The following CACNA1B variants were observed in gnomAD, a reference collection of about 807,000 sequenced individuals.
CACNA1B encodes the protein voltage-dependent N-type calcium channel subunit alpha-1B.
CACNA1B carries 70 observed loss-of-function variants against 247.2 expected under a neutral mutation model. The observed-to-expected ratio is 0.28, with a 90% CI of 0.23 to 0.35. CACNA1B has a LOEUF of 0.35. Ranked by LOEUF, CACNA1B falls within the 10% of genes least tolerant of loss-of-function variation. The pLI is 1.00. For missense variants in CACNA1B, 2,367 were observed against 3,197.4 expected (o/e 0.74, Z 6.26); for synonymous variants, 1,231 against 1,294.4 (o/e 0.95, Z 1.05).
At position 138,011,179 on chromosome 9, in the gene CACNA1B, C is replaced by T. The variant is rs1958719821; in HGVS notation, c.2160+1102C>T. Among the ~76,000 whole-genome samples, 1 of 152,170 alleles carries T rather than the reference C, an allele frequency of 6.6e-6. No individual in the cohort carries two copies. Among genetic ancestry groups the T allele is most frequent in the African/African-American group, 2.4e-5 (1 of 41,434 alleles). On this transcript the variant is annotated intron_variant, in intron 17 of 46. Coordinates refer to ENST00000371372, the MANE Select transcript of CACNA1B (RefSeq NM_000718.4). The surrounding 1 kb of genome is among the most constrained non-coding windows in gnomAD (Gnocchi z 4.2). ...GCTGGGCCGCTTGGGTTGGGGGAGC[C>T]CAAGCCCCCACAGAGCTCTCCTTGG...
rs749437414 is a variant in CACNA1B, at chr9:137,986,779, C to T, written c.1902-3C>T. ...ACTTCCCAAGCCTTCCTGTTTTCCTCAGGTTCAACTTCCAGGATGAGACTC... is the reference window on the plus strand; with the variant it reads ...ACTTCCCAAGCCTTCCTGTTTTCCTTAGGTTCAACTTCCAGGATGAGACTC... On this transcript the variant is annotated splice_polypyrimidine_tract_variant and splice_region_variant and intron_variant, in intron 14 of 46. Transcript: ENST00000371372. This position sits in a 1 kb window ranked among gnomAD's most constrained non-coding sequence, Gnocchi z 6.0. The T allele has an allele frequency of 3.1e-6, 5 of 1,612,466 alleles. No individual in the cohort carries two copies. The highest frequency in any genetic ancestry group is 2.7e-5 in the African/African-American group (2 of 74,888).
At chr9:138,006,650 G>A (rs1191597149) in intron 15 of CACNA1B, 117 bp from the exon 16 acceptor site, 12 of 666,808 alleles carry the variant, frequency 1.8e-5, no homozygotes, top group Non-Finnish European at 2.8e-5. Context: ...ATGTGCATGT[G>A]TGGACGTGGC....
At position 138,020,556 on chromosome 9, in the gene CACNA1B, T is replaced by C. The variant is rs2133433062; in HGVS notation, c.2268-2455T>C. On this transcript the variant is annotated intron_variant, in intron 18 of 46. Coordinates refer to ENST00000371372, the MANE Select transcript of CACNA1B (RefSeq NM_000718.4). The surrounding 1 kb of genome is among the most constrained non-coding windows in gnomAD (Gnocchi z 4.1). ...CTAGGGGATACCTCCAGAGAGGAACTTGGTGGTGCTGGCCGAGTGAGGGCA... is the reference window on the plus strand; with the variant it reads ...CTAGGGGATACCTCCAGAGAGGAACCTGGTGGTGCTGGCCGAGTGAGGGCA... Among the ~76,000 whole-genome samples the C allele has an allele frequency of 6.6e-6, 1 of 152,208 alleles. No homozygotes were observed. The highest frequency in any genetic ancestry group is 2.1e-4 in the South Asian group (1 of 4,816).
rs1323635327 is a variant in CACNA1B, at chr9:138,058,517, G to A, written c.4309-52G>A. On this transcript the variant is annotated intron_variant, in intron 28 of 46. Coordinates refer to ENST00000371372, the MANE Select transcript of CACNA1B (RefSeq NM_000718.4). This position sits in a 1 kb window ranked among gnomAD's most constrained non-coding sequence, Gnocchi z 4.7. ...GACAGGGCTGGGTGCAGTAGATGCC[G>A]TCGGGTAGGTTTTCTGCTTCTGAGT... 14 of 1,530,008 alleles carry A rather than the reference G, an allele frequency of 9.2e-6. 1 individual carries two copies. Among genetic ancestry groups the A allele is most frequent in the Middle Eastern group, 1.7e-4 (1 of 5,826 alleles). The allele number at this position is 1,530,008 out of a possible 1,614,324, so 94.8% of individuals were successfully genotyped here.
rs1957422024 is a variant in CACNA1B, at chr9:137,917,174, A to G, written c.776-67A>G. On this transcript the variant is annotated intron_variant, in intron 5 of 46. Transcript: ENST00000371372. This position sits in a 1 kb window ranked among gnomAD's most constrained non-coding sequence, Gnocchi z 5.5. ...GCTGTGAGCTCTCCAGAGCCCAGGA[A>G]TCCTGGTGGGGATTGGAGAGCTTGG... is the stretch of plus-strand genomic sequence containing the variant. 6.8e-7 allele frequency: 1 copy of G among 1,462,332 alleles called. No homozygotes were observed. Among genetic ancestry groups the G allele is most frequent in the Admixed American group, 1.9e-5 (1 of 51,580 alleles). The allele number at this position is 1,462,332 out of a possible 1,614,324, so 90.6% of individuals were successfully genotyped here.
rs979236433 is a variant in CACNA1B, at chr9:138,058,313, C to T, written c.4308+63C>T. The stretch of plus-strand genomic sequence containing the variant: ...GTGGGCAGCGCCATCAGGCTTCCCT[C>T]CTGCACACAAATCACTCACAGCTGG... On this transcript the variant is annotated intron_variant, in intron 28 of 46. Transcript: ENST00000371372. This position sits in a 1 kb window ranked among gnomAD's most constrained non-coding sequence, Gnocchi z 4.7. 1.0e-5 allele frequency: 14 copies of T among 1,362,040 alleles called. No homozygotes were observed. Among genetic ancestry groups the T allele is most frequent in the African/African-American group, 1.4e-5 (1 of 69,522 alleles). The allele number at this position is 1,362,040 out of a possible 1,614,324, so 84.4% of individuals were successfully genotyped here.
In CACNA1B at chr9:138,072,028, C is replaced by A. The variant is rs938733256; in HGVS notation, c.4675-1460C>A. 6.6e-6 allele frequency among the ~76,000 whole-genome samples: 1 copy of A among 152,118 alleles called. No individual in the cohort carries two copies. Among genetic ancestry groups the A allele is most frequent in the African/African-American group, 2.4e-5 (1 of 41,420 alleles). Reference sequence around the variant, plus strand: ...CTCGTGGCCCAGAGTTCTTGGCCATCTTGTCTACCGTGGAGATTTTCTTTC... The same window carrying A: ...CTCGTGGCCCAGAGTTCTTGGCCATATTGTCTACCGTGGAGATTTTCTTTC... On this transcript the variant is annotated intron_variant, in intron 32 of 46. Transcript: ENST00000371372. This position sits in a 1 kb window ranked among gnomAD's most constrained non-coding sequence, Gnocchi z 4.5.
intron 31 of CACNA1B, among the ~76,000 whole-genome samples, chr9:138,068,400 G>A (rs1960004613): frequency 6.6e-6 from 1 of 152,148 alleles, no homozygotes; most frequent in South Asian, 2.1e-4. Flanking sequence ...ATTTAAAAAA[G>A]TTAATGATCT....
intron 16 of CACNA1B, among the ~76,000 whole-genome samples, chr9:138,009,501 G>A (rs1958697334): frequency 6.6e-6 from 1 of 152,256 alleles, no homozygotes; most frequent in Non-Finnish European, 1.5e-5. Context: ...GGGTTTGCAA[G>A]CTCGTGGTTT....
At chr9:138,078,388 C>T in intron 36 of CACNA1B, 130 bp downstream of exon 36, 1 of 867,132 alleles carries the variant, frequency 1.2e-6, no homozygotes, top group Non-Finnish European at 1.8e-6. Context: ...ATGCTGATGG[C>T]CCTTGTTTCC....
chr9:137,975,534 C>G (rs546099096), intron 11 of CACNA1B, among the ~76,000 whole-genome samples: 1 of 152,306 alleles, frequency 6.6e-6, no homozygotes, highest in African/African-American at 2.4e-5. Context: ...GTAGCTGGGC[C>G]TCTCCTTGGG....
chr9:137,940,934 A>C (rs1168677323), intron 6 of CACNA1B, among the ~76,000 whole-genome samples: 1 of 152,216 alleles, frequency 6.6e-6, no homozygotes. Flanking sequence ...AAAGTCATCT[A>C]TGACAAACCC....
chr9:138,075,305 A>T (rs1280746957), intron 34 of CACNA1B, among the ~76,000 whole-genome samples: 1 of 152,222 alleles, frequency 6.6e-6, no homozygotes, highest in Non-Finnish European at 1.5e-5. Flanking sequence ...TGGATGTGTC[A>T]TAGTTCATAA....
At chr9:138,046,696 C>T (rs1308644877) in intron 21 of CACNA1B, among the ~76,000 whole-genome samples, 15 of 152,240 alleles carry the variant, frequency 9.9e-5, no homozygotes, top group Admixed American at 8.5e-4. Context: ...CCCCCCGTCC[C>T]GGGAGGCCCT....
intron 3 of CACNA1B, among the ~76,000 whole-genome samples, chr9:137,883,391 G>C (rs1217620176): frequency 6.6e-6 from 1 of 152,220 alleles, no homozygotes; most frequent in Non-Finnish European, 1.5e-5. Flanking sequence ...TGTGTGTCGA[G>C]TGCTTTCACA....
intron 3 of CACNA1B, among the ~76,000 whole-genome samples, chr9:137,904,694 C>G (rs1039170227): frequency 6.6e-6 from 1 of 152,084 alleles, no homozygotes; most frequent in Non-Finnish European, 1.5e-5. Flanking sequence ...CTGCTGTCCC[C>G]TCAAGAATTT....
chr9:137,991,043 C>T (rs1372750619), intron 15 of CACNA1B, among the ~76,000 whole-genome samples: 1 of 152,128 alleles, frequency 6.6e-6, no homozygotes, highest in Non-Finnish European at 1.5e-5. Flanking sequence ...TAAACACCCC[C>T]AGAAGATCAC....
intron 20 of CACNA1B, among the ~76,000 whole-genome samples, chr9:138,025,510 T>A (rs1338425168): frequency 1.3e-5 from 2 of 152,178 alleles, no homozygotes; most frequent in East Asian, 3.9e-4. Context: ...GGCACAACTC[T>A]TGATGGTTGC....
intron 6 of CACNA1B, among the ~76,000 whole-genome samples, chr9:137,941,256 C>A (rs1957729567): frequency 6.6e-6 from 1 of 152,116 alleles, no homozygotes; most frequent in Non-Finnish European, 1.5e-5. Context: ...AAATCAGTAG[C>A]TCTTTTATAT....
Sources: allele counts gnomAD v4.1 joint callset (sites outside exome capture counted in the v4.1 genomes callset), GRCh38; gene constraint gnomAD v4.1.1; non-coding constraint Gnocchi (gnomAD v3.1); transcripts MANE v1.5; gene names NCBI Gene and HGNC (gene_info 2026-07-23, HGNC 2026-07-21).